Variants in BTBD9 observed in about 807,000 individuals in gnomAD.
BTBD9 encodes BTB domain containing 9.
A neutral mutation model predicts 64.3 loss-of-function variants in BTBD9; 49 were observed. The observed-to-expected ratio is 0.76, with a 90% CI of 0.61 to 0.97. The LOEUF (loss-of-function observed/expected upper bound fraction) is 0.97, where lower values mean the gene tolerates loss of function less well. Ranked by LOEUF, BTBD9 falls within the 50% of genes least tolerant of loss-of-function variation. BTBD9 has a pLI of 0.00. For synonymous variants in BTBD9, 260 were observed against 274.7 expected, an observed-to-expected ratio of 0.95 and a Z score of 0.53; for missense variants, 598 against 762.1, an observed-to-expected ratio of 0.78 and a Z score of 2.53.
chr6:38,512,198 C>G (rs1562281379), intron 6 of BTBD9, among the ~76,000 whole-genome samples: 1 of 152,040 alleles, frequency 6.6e-6, no homozygotes, highest in East Asian at 1.9e-4. Context: ...GTCTCAAACT[C>G]CCGATCTCAG....
At chr6:38,214,010 A>AT (rs1554128877) in intron 9 of BTBD9, among the ~76,000 whole-genome samples, 3 of 147,600 alleles carry the variant, frequency 2.0e-5, no homozygotes, top group East Asian at 2.0e-4. Context: ...AAACAAACAA[A>AT]AATAATAATA....
chr6:38,262,054 G>C lies in BTBD9; in HGVS notation c.1455-5538C>G, dbSNP rs115911171. Among the ~76,000 whole-genome samples the C allele has an allele frequency of 2.0e-3, 303 of 152,328 alleles. 1 individual carries two copies. The highest frequency in any genetic ancestry group is 7.0e-3 in the African/African-American group (289 of 41,570). ...GATTCAACCTCTGCTTTTCCATTGAGAGGAATTTTGCTCTACCAATTCCCT... is the reference window on the plus strand; with the variant it reads ...GATTCAACCTCTGCTTTTCCATTGACAGGAATTTTGCTCTACCAATTCCCT... On this transcript the variant is annotated intron_variant, in intron 8 of 10. Coordinates refer to ENST00000481247, the MANE Select transcript of BTBD9 (RefSeq NM_001099272.2).
chr6:38,396,126 A>C (rs543102864), intron 6 of BTBD9, among the ~76,000 whole-genome samples: 54 of 152,310 alleles, frequency 3.5e-4, no homozygotes, highest in African/African-American at 1.3e-3. Flanking sequence ...ACAGGGCCAG[A>C]TCAAGTAAAA....
chr6:38,494,959 C>T (rs1247467403), intron 6 of BTBD9, among the ~76,000 whole-genome samples: 1 of 152,178 alleles, frequency 6.6e-6, no homozygotes, highest in Non-Finnish European at 1.5e-5. Flanking sequence ...ACAAGCATTG[C>T]CCCGGATCCT....
intron 4 of BTBD9, among the ~76,000 whole-genome samples, chr6:38,586,980 T>C (rs1776561420): frequency 6.6e-6 from 1 of 151,860 alleles, no homozygotes; most frequent in African/African-American, 2.4e-5. Flanking sequence ...GGAGAATCAC[T>C]TGAGCCCAGG....
At chr6:38,526,867 A>G (rs1773519286) in intron 6 of BTBD9, among the ~76,000 whole-genome samples, 1 of 152,224 alleles carries the variant, frequency 6.6e-6, no homozygotes. Flanking sequence ...CATGGGCAGA[A>G]GGGGCTTGCC....
intron 8 of BTBD9, among the ~76,000 whole-genome samples, chr6:38,258,766 T>C: frequency 6.6e-6 from 1 of 152,190 alleles, no homozygotes; most frequent in East Asian, 1.9e-4. Flanking sequence ...GGTGGGCACC[T>C]GTAATCCCAG....
intron 6 of BTBD9, among the ~76,000 whole-genome samples, chr6:38,389,172 A>T (rs796574228): frequency 5.9e-5 from 9 of 152,304 alleles, no homozygotes; most frequent in African/African-American, 2.2e-4. Flanking sequence ...GACATATATT[A>T]TATCTATGGC....
chr6:38,524,877 C>T (rs1391135256), intron 6 of BTBD9, among the ~76,000 whole-genome samples: 1 of 152,116 alleles, frequency 6.6e-6, no homozygotes, highest in African/African-American at 2.4e-5. Context: ...CTTCCTTCCT[C>T]TCTTTATCTC....
chr6:38,202,076 GTTTT>G (rs1263045337), intron 9 of BTBD9, among the ~76,000 whole-genome samples: 1 of 135,060 alleles, frequency 7.4e-6, no homozygotes, highest in African/African-American at 2.9e-5. Context: ...CAAAAATGTC[GTTTT>G]TTTTGTTTTT....
intron 9 of BTBD9, among the ~76,000 whole-genome samples, chr6:38,207,545 C>T (rs1762699845): frequency 6.6e-6 from 1 of 152,100 alleles, no homozygotes; most frequent in African/African-American, 2.4e-5. Context: ...ATCACCTGAG[C>T]CTGGGGGATC....
intron 1 of BTBD9, among the ~76,000 whole-genome samples, chr6:38,620,830 G>A (rs537368762): frequency 1.4e-3 from 216 of 152,150 alleles, no homozygotes; most frequent in African/African-American, 5.0e-3. Context: ...AGATGGCCAG[G>A]CCACTCTATA....
At chr6:38,603,368 G>C (rs1037592357) in intron 1 of BTBD9, among the ~76,000 whole-genome samples, 46 of 152,164 alleles carry the variant, frequency 3.0e-4, no homozygotes, top group African/African-American at 9.2e-4. Flanking sequence ...CAGTACTAAA[G>C]TCCTGAGGGT....
At chr6:38,538,042 T>C (rs1187819100) in intron 6 of BTBD9, among the ~76,000 whole-genome samples, 1 of 152,232 alleles carries the variant, frequency 6.6e-6, no homozygotes, top group Non-Finnish European at 1.5e-5. Flanking sequence ...TCTACTTTTA[T>C]AAAAGTCATT....
intron 8 of BTBD9, among the ~76,000 whole-genome samples, chr6:38,259,722 T>C (rs918478710): frequency 2.6e-5 from 4 of 152,244 alleles, no homozygotes; most frequent in African/African-American, 7.2e-5. Flanking sequence ...ATTGTAATTC[T>C]GTTTGCTATC....
intron 9 of BTBD9, among the ~76,000 whole-genome samples, chr6:38,195,979 C>T (rs986326963): frequency 6.6e-6 from 1 of 152,216 alleles, no homozygotes. Context: ...AAACAGAGTA[C>T]CTATCTTGCC....
At chr6:38,241,595 A>G (rs1052141791) in intron 9 of BTBD9, among the ~76,000 whole-genome samples, 2 of 152,254 alleles carry the variant, frequency 1.3e-5, no homozygotes, top group Non-Finnish European at 2.9e-5. Flanking sequence ...AGCAGCTGGT[A>G]AATGTGTGCA....
intron 6 of BTBD9, among the ~76,000 whole-genome samples, chr6:38,438,434 G>C (rs966185067): frequency 1.3e-5 from 2 of 152,182 alleles, no homozygotes; most frequent in Admixed American, 6.5e-5. Flanking sequence ...ATGGCAAGTA[G>C]ATAATTATAA....
rs1465047570 is a variant in BTBD9 at position 38,548,247 on chromosome 6, A to G, written c.1154+29353T>C. Among the ~76,000 whole-genome samples, 3 of 152,368 alleles carry G rather than the reference A, an allele frequency of 2.0e-5. No individual in the cohort carries two copies. In the East Asian group the frequency reaches 5.8e-4, roughly 29 times the overall value. ...CAATTTCACTCATTTTCACTCCACC[A>G]AAATGGTACAGATTTTCCAGGCTGA... is the stretch of plus-strand genomic sequence containing the variant. On this transcript the variant is annotated intron_variant, in intron 6 of 10. Coordinates refer to ENST00000481247, the MANE Select transcript of BTBD9 (RefSeq NM_001099272.2).
Sources: allele counts gnomAD v4.1 joint callset (sites outside exome capture counted in the v4.1 genomes callset), GRCh38; gene constraint gnomAD v4.1.1; transcripts MANE v1.5; gene names NCBI Gene and HGNC (gene_info 2026-07-23, HGNC 2026-07-21).